The following NHSL2 variants were observed in gnomAD, a reference collection of about 807,000 sequenced individuals.
NHSL2 encodes the protein NHS-like protein 2.
A neutral mutation model predicts 53.4 loss-of-function variants in NHSL2; 27 were observed. The ratio of observed to expected loss-of-function variants is 0.51; its 90% CI spans 0.37 to 0.70. The LOEUF is 0.70. Ranked by LOEUF, NHSL2 falls within the 30% of genes least tolerant of loss-of-function variation. The pLI is 0.00. For missense variants in NHSL2, 892 were observed against 980.1 expected (o/e 0.91, Z 1.20); for synonymous variants, 408 against 404.1 (o/e 1.01, Z -0.12).
At chrX:71,981,066 C>G (rs749813039) in intron 1 of NHSL2, among the ~76,000 whole-genome samples, 1 of 112,103 alleles carries the variant, frequency 8.9e-6, no homozygotes, top group Admixed American at 9.5e-5. Flanking sequence ...GCTGTAAAAC[C>G]GTTAGAAGAC....
chrX:72,031,418 T>C (rs1461637150), intron 1 of NHSL2, among the ~76,000 whole-genome samples: 2 of 112,104 alleles, frequency 1.8e-5, no homozygotes, highest in Non-Finnish European at 3.8e-5. Context: ...TACACAGCTA[T>C]TGTGAGTATT....
intron 1 of NHSL2, among the ~76,000 whole-genome samples, chrX:72,039,356 T>C (rs1244923756): frequency 9.0e-6 from 1 of 111,411 alleles, no homozygotes; most frequent in East Asian, 2.8e-4. Flanking sequence ...CACTATTCCA[T>C]GTAATGGCTG....
intron 1 of NHSL2, among the ~76,000 whole-genome samples, chrX:71,926,206 T>C (rs771008276): frequency 1.8e-5 from 2 of 112,145 alleles, no homozygotes; most frequent in South Asian, 7.6e-4. Context: ...CTGTGAGTTA[T>C]TACTTCTATT....
At chrX:72,142,108 T>G (rs907796243) in intron 6 of NHSL2, 124 bp from the exon 7 acceptor site, 1 of 477,615 alleles carries the variant, frequency 2.1e-6, no homozygotes, top group Non-Finnish European at 3.4e-6. Context: ...AATGGAGGTA[T>G]TAAAAATCTC....
chrX:72,115,081 AAC>A (rs1216915444), intron 1 of NHSL2, among the ~76,000 whole-genome samples: 2 of 111,502 alleles, frequency 1.8e-5, no homozygotes, highest in Non-Finnish European at 3.8e-5. Context: ...GTTCAGAGGG[AAC>A]ACACAGCGAG....
chrX:72,066,011 C>G (rs1198323157), intron 1 of NHSL2, among the ~76,000 whole-genome samples: 1 of 111,728 alleles, frequency 9.0e-6, no homozygotes, highest in Non-Finnish European at 1.9e-5. Flanking sequence ...TTGGAAGGTT[C>G]CAAGCAATGG....
chrX:72,138,337 C>T (rs2042377684), intron 5 of NHSL2, 104 bp from the exon 6 acceptor site: 1 of 588,024 alleles, frequency 1.7e-6, no homozygotes. Context: ...TCTGACCAAG[C>T]TGTTGGCAAA....
intron 1 of NHSL2, among the ~76,000 whole-genome samples, chrX:72,013,839 GATTA>G (rs1487068657): frequency 9.0e-6 from 1 of 110,833 alleles, no homozygotes; most frequent in Non-Finnish European, 1.9e-5. Context: ...TTTCTGCATT[GATTA>G]ATATGATCAT....
chrX:72,071,100 A>G (rs191506818), intron 1 of NHSL2, among the ~76,000 whole-genome samples: 134 of 111,141 alleles, frequency 1.2e-3, no homozygotes, highest in African/African-American at 4.1e-3. Context: ...AACTTGGGAT[A>G]TGCTGGCACG....
At position 72,145,384 on chromosome X, in the gene NHSL2, C is replaced by T. The variant is rs1294617712; in HGVS notation, c.*1810C>T. The stretch of plus-strand genomic sequence containing the variant: ...TGTTATAGTTCTGAATCTGAGACTT[C>T]TGGAAACAGGCCAGGCCCACCAACT... On this transcript the variant is annotated 3_prime_UTR_variant, in exon 8 of 8. Coordinates refer to ENST00000633930, the MANE Select transcript of NHSL2 (RefSeq NM_001013627.3). 3.6e-5 allele frequency: 4 copies of T among 112,407 alleles called. No homozygotes were observed. Among genetic ancestry groups the T allele is most frequent in the African/African-American group, 1.3e-4 (4 of 30,929 alleles). The allele number at this position is 112,407 out of a possible 1,213,427, so 9.3% of individuals were successfully genotyped here. A position where few individuals can be genotyped will look rare whatever the true frequency, so the allele number is the denominator to read the frequency against.
At chrX:71,964,573 CA>C (rs901545816) in intron 1 of NHSL2, among the ~76,000 whole-genome samples, 3 of 111,290 alleles carry the variant, frequency 2.7e-5, no homozygotes, top group Non-Finnish European at 5.7e-5. Flanking sequence ...TAAATTGTTC[CA>C]AAAACTGGTC....
chrX:71,942,970 CTCTGTGTGTGTGTG>C (rs1466045099), intron 1 of NHSL2, among the ~76,000 whole-genome samples: 3 of 17,079 alleles, frequency 1.8e-4, no homozygotes, highest in Non-Finnish European at 2.7e-4. Flanking sequence ...CTCTCTCTCT[CTCTGTGTGTGTGTG>C]TGTGTGTGTG....
At chrX:71,966,598 G>A (rs185944078) in intron 1 of NHSL2, among the ~76,000 whole-genome samples, 1 of 109,440 alleles carries the variant, frequency 9.1e-6, no homozygotes. Context: ...TACATTATTT[G>A]ATTCTTGAAT....
intron 1 of NHSL2, among the ~76,000 whole-genome samples, chrX:71,973,067 C>T (rs2041933098): frequency 8.9e-6 from 1 of 112,164 alleles, no homozygotes; most frequent in African/African-American, 3.2e-5. Flanking sequence ...TAATTTTAAG[C>T]CTGGCTGCCT....
intron 1 of NHSL2, among the ~76,000 whole-genome samples, chrX:71,961,825 T>C (rs2041869151): frequency 9.0e-6 from 1 of 111,373 alleles, no homozygotes; most frequent in African/African-American, 3.3e-5. Context: ...TGCACCACCA[T>C]GTCCAGCTAA....
chrX:71,927,579 C>T (rs1007542283), intron 1 of NHSL2, among the ~76,000 whole-genome samples: 9 of 108,375 alleles, frequency 8.3e-5, no homozygotes, highest in Non-Finnish European at 1.7e-4. Context: ...TTTTTTGAGA[C>T]GGAGTCTTGC....
chrX:72,026,720 C>T (rs989295494), intron 1 of NHSL2, among the ~76,000 whole-genome samples: 2 of 112,521 alleles, frequency 1.8e-5, no homozygotes, highest in African/African-American at 6.5e-5. Flanking sequence ...AAGTTGTTAA[C>T]ACCTTGTAAG....
At chrX:72,053,761 G>C (rs768102023) in intron 1 of NHSL2, among the ~76,000 whole-genome samples, 1 of 111,539 alleles carries the variant, frequency 9.0e-6, no homozygotes, top group Non-Finnish European at 1.9e-5. Context: ...TCTCCCAATA[G>C]ACTGGGAACT....
At chrX:72,085,768 A>G (rs1223515264) in intron 1 of NHSL2, among the ~76,000 whole-genome samples, 1 of 106,146 alleles carries the variant, frequency 9.4e-6, no homozygotes, top group Non-Finnish European at 1.9e-5. Context: ...CATAGAGGCA[A>G]CTAAAAATCC....
Sources: allele counts gnomAD v4.1 joint callset (sites outside exome capture counted in the v4.1 genomes callset), GRCh38; gene constraint gnomAD v4.1.1; transcripts MANE v1.5; gene names NCBI Gene and HGNC (gene_info 2026-07-23, HGNC 2026-07-21).